PCDHA7: variants seen among roughly 807,000 people sequenced by gnomAD.
The protein encoded by PCDHA7 is protocadherin alpha-7.
In PCDHA7, 37 loss-of-function variants were observed where a neutral mutation model predicts 57.2. That is an observed-to-expected ratio of 0.65 (90% CI 0.50 to 0.85). PCDHA7 has a LOEUF of 0.85. Ranked by LOEUF, PCDHA7 falls within the 40% of genes least tolerant of loss-of-function variation. The probability of loss-of-function intolerance (pLI) is 0.00; values close to 1 mark genes in which losing one functional copy is unlikely to be tolerated. For missense variants in PCDHA7, 1,188 were observed against 1,241.8 expected (o/e 0.96, Z 0.65); for synonymous variants, 553 against 558.8 (o/e 0.99, Z 0.15).
intron 1 of PCDHA7, chr5:140,883,514 G>C (rs2059648914): frequency 1.2e-6 from 2 of 1,614,220 alleles, no homozygotes; most frequent in Non-Finnish European, 1.7e-6. Context: ...CCTGGACCGC[G>C]AGAGCGTATC....
At chr5:140,842,204 A>T (rs2150331715) in intron 1 of PCDHA7, 1 of 1,613,676 alleles carries the variant, frequency 6.2e-7, no homozygotes, top group Non-Finnish European at 8.5e-7. Context: ...CCACTTTAGC[A>T]TAGATCGAAA....
At chr5:140,922,385 C>A (rs1267053151) in intron 1 of PCDHA7, among the ~76,000 whole-genome samples, 5 of 152,156 alleles carry the variant, frequency 3.3e-5, no homozygotes, top group Non-Finnish European at 7.4e-5. Context: ...AAACCAAAGA[C>A]TCCTTGTTTT....
intron 1 of PCDHA7, chr5:140,856,310 C>T (rs782387382): frequency 5.0e-6 from 8 of 1,598,548 alleles, no homozygotes; most frequent in Non-Finnish European, 6.8e-6. Context: ...TGTGAATTCT[C>T]GGATTGACCG....
chr5:140,854,596 A>G (rs1426256620), intron 1 of PCDHA7: 1 of 150,040 alleles, frequency 6.7e-6, no homozygotes, highest in Non-Finnish European at 1.5e-5. Flanking sequence ...AAAAGTTTAA[A>G]GTAATTGACA....
intron 1 of PCDHA7, chr5:140,848,481 GAC>G: frequency 6.4e-7 from 1 of 1,570,506 alleles, no homozygotes; most frequent in East Asian, 2.2e-5. Flanking sequence ...ATTAGAAGAA[GAC>G]TGAGTATTTG....
chr5:140,989,745 C>A (rs1554251059), intron 3 of PCDHA7, among the ~76,000 whole-genome samples: 2 of 152,154 alleles, frequency 1.3e-5, no homozygotes, highest in African/African-American at 4.8e-5. Context: ...ATTGCCTAAT[C>A]TGGAGAAACA....
intron 1 of PCDHA7, among the ~76,000 whole-genome samples, chr5:140,950,807 A>G (rs2094520743): frequency 6.6e-6 from 1 of 152,104 alleles, no homozygotes; most frequent in African/African-American, 2.4e-5. Context: ...TGGTTTTACC[A>G]TAGTAGGGTT....
chr5:140,994,558 A>G (rs1414971844), intron 3 of PCDHA7, among the ~76,000 whole-genome samples: 4 of 151,948 alleles, frequency 2.6e-5, no homozygotes, highest in Non-Finnish European at 5.9e-5. Context: ...TATAAAAATT[A>G]GCCGGGTGTG....
intron 1 of PCDHA7, chr5:140,871,357 C>A: frequency 6.2e-7 from 1 of 1,614,196 alleles, no homozygotes; most frequent in Non-Finnish European, 8.5e-7. Flanking sequence ...ATACTCGCAG[C>A]AGAGGCGGCA....
chr5:140,871,369 A>G, intron 1 of PCDHA7: 1 of 1,614,218 alleles, frequency 6.2e-7, no homozygotes. Context: ...GAGGCGGCAG[A>G]GGGTGTGCTC....
chr5:140,918,032 A>G (rs528006913), intron 1 of PCDHA7, among the ~76,000 whole-genome samples: 2 of 152,224 alleles, frequency 1.3e-5, no homozygotes, highest in East Asian at 1.9e-4. Context: ...TGAGCGTGGA[A>G]GGTCTTTCCA....
At chr5:140,987,956 C>T (rs1270495363) in intron 3 of PCDHA7, among the ~76,000 whole-genome samples, 2 of 152,144 alleles carry the variant, frequency 1.3e-5, no homozygotes, top group African/African-American at 4.8e-5. Flanking sequence ...ACAAAACCAA[C>T]TCCCCATGGA....
rs2150132521 is a variant in PCDHA7 at position 140,835,681 on chromosome 5, C to T, written c.1298C>T (p.Pro433Leu). 1 of 1,613,918 alleles carries T rather than the reference C, an allele frequency of 6.2e-7. No homozygotes were observed. Among genetic ancestry groups the T allele is most frequent in the Non-Finnish European group, 8.5e-7 (1 of 1,179,890 alleles). The change falls in exon 1 of 4, where the codon CCT becomes CTT. Residue 433 changes from proline (P) to leucine (L), a missense_variant. Physicochemically the swap from Pro to Leu is moderately conservative, Grantham distance 98. Coordinates refer to ENST00000525929, the MANE Select transcript of PCDHA7 (RefSeq NM_018910.3). Reference protein sequence around the residue: ...LVVTARDGGSPSLWATASVSV... With the variant: ...LVVTARDGGSLSLWATASVSV... ...GTTACCGCGCGGGACGGGGGCTCGC[C>T]TTCTCTGTGGGCCACTGCTAGCGTG...
At chr5:140,959,602 CT>C (rs1554224184) in intron 1 of PCDHA7, among the ~76,000 whole-genome samples, 1 of 152,008 alleles carries the variant, frequency 6.6e-6, no homozygotes, top group Admixed American at 6.6e-5. Flanking sequence ...GTATAACATG[CT>C]TTTCTTGCTT....
At chr5:140,977,107 T>C (rs1419522797) in intron 1 of PCDHA7, among the ~76,000 whole-genome samples, 2 of 152,166 alleles carry the variant, frequency 1.3e-5, no homozygotes, top group Non-Finnish European at 2.9e-5. Flanking sequence ...GGAAGTGAGA[T>C]TGTATAATGA....
chr5:140,841,497 T>G, intron 1 of PCDHA7: 6 of 1,613,288 alleles, frequency 3.7e-6, no homozygotes, highest in Non-Finnish European at 5.1e-6. Context: ...CTGGCGGAGC[T>G]GGTGCCGCGC....
At chr5:140,927,265 C>T in intron 1 of PCDHA7, 1 of 1,614,168 alleles carries the variant, frequency 6.2e-7, no homozygotes. Context: ...ACCTCTCTTT[C>T]CTGCCGGCGA....
At chr5:140,865,235 C>A (rs982582356) in intron 1 of PCDHA7, 2 of 152,098 alleles carry the variant, frequency 1.3e-5, no homozygotes, top group African/African-American at 4.8e-5. Flanking sequence ...CCAGAGAACA[C>A]GTATTTATAG....
At chr5:140,908,728 C>T (rs2074119712) in intron 1 of PCDHA7, among the ~76,000 whole-genome samples, 1 of 152,202 alleles carries the variant, frequency 6.6e-6, no homozygotes, top group Non-Finnish European at 1.5e-5. Context: ...GGTCATATGG[C>T]TCGAGAAACA....
Sources: allele counts gnomAD v4.1 joint callset (sites outside exome capture counted in the v4.1 genomes callset), GRCh38; gene constraint gnomAD v4.1.1; transcripts MANE v1.5; gene names NCBI Gene and HGNC (gene_info 2026-07-23, HGNC 2026-07-21).